Variants in PALM2AKAP2 observed in about 807,000 individuals in gnomAD.
The protein encoded by PALM2AKAP2 is PALM2 and AKAP2 fusion, also known as PALM2-AKAP2 fusion protein.
In PALM2AKAP2, 37 loss-of-function variants were observed where a neutral mutation model predicts 71.5. The ratio of observed to expected loss-of-function variants is 0.52; its 90% confidence interval spans 0.40 to 0.68. The LOEUF is 0.68. Among genes scored for constraint, PALM2AKAP2 ranks in the 30% least tolerant of loss-of-function variants. PALM2AKAP2 has a pLI of 0.00. For missense variants in PALM2AKAP2, 1,224 were observed against 1,191.8 expected (o/e 1.03, Z -0.40); for synonymous variants, 468 against 478.8 (o/e 0.98, Z 0.29).
intron 1 of PALM2AKAP2, among the ~76,000 whole-genome samples, chr9:110,083,961 C>T (rs909023656): frequency 1.3e-5 from 2 of 152,154 alleles, no homozygotes; most frequent in Admixed American, 1.3e-4. Context: ...ATGGGATATC[C>T]AACCTGAGAG....
At chr9:110,165,656 C>G (rs925541761) in intron 3 of PALM2AKAP2, among the ~76,000 whole-genome samples, 2 of 152,168 alleles carry the variant, frequency 1.3e-5, no homozygotes, top group African/African-American at 2.4e-5. Flanking sequence ...ATTACTGGGG[C>G]TCTTGACAAG....
At chr9:109,650,261 T>C (rs1347390190) in intron 1 of PALM2AKAP2, among the ~76,000 whole-genome samples, 4 of 151,850 alleles carry the variant, frequency 2.6e-5, no homozygotes, top group Admixed American at 2.6e-4. Flanking sequence ...AGAGAGAAAT[T>C]TGAAAGCCAG....
chr9:109,952,137 G>A (rs1200175154), intron 6 of PALM2AKAP2, among the ~76,000 whole-genome samples: 3 of 152,210 alleles, frequency 2.0e-5, no homozygotes, highest in Non-Finnish European at 4.4e-5. Flanking sequence ...ACTCAGCTCT[G>A]CTGCAAAGCA....
At chr9:110,014,801 AAAATGTATATAT>A (rs1252033912) in intron 6 of PALM2AKAP2, among the ~76,000 whole-genome samples, 505 of 41,244 alleles carry the variant, frequency 0.012, 38 homozygotes, top group African/African-American at 0.042. Flanking sequence ...AAAAAAAAAA[AAAATGTATATAT>A]ATATATATAT....
chr9:110,145,523 C>T (rs1836142093), intron 2 of PALM2AKAP2, among the ~76,000 whole-genome samples: 2 of 152,100 alleles, frequency 1.3e-5, no homozygotes, highest in South Asian at 4.2e-4. Flanking sequence ...ATTCTGTTAA[C>T]TAAACATGAA....
intron 3 of PALM2AKAP2, among the ~76,000 whole-genome samples, chr9:109,893,093 C>T (rs1336248185): frequency 1.3e-5 from 2 of 152,124 alleles, no homozygotes; most frequent in Non-Finnish European, 2.9e-5. Context: ...GTACACCTCA[C>T]CTTTGCAGTC....
chr9:109,940,567 T>C (rs773681407), intron 6 of PALM2AKAP2, among the ~76,000 whole-genome samples: 2 of 152,126 alleles, frequency 1.3e-5, no homozygotes, highest in Non-Finnish European at 2.9e-5. Context: ...GAAAAGATAG[T>C]TTGGATCTTC....
At chr9:109,689,868 T>A (rs1827856899) in intron 1 of PALM2AKAP2, among the ~76,000 whole-genome samples, 1 of 152,148 alleles carries the variant, frequency 6.6e-6, no homozygotes, top group South Asian at 2.1e-4. Flanking sequence ...GGATTATGCA[T>A]GTTAAATTTA....
chr9:110,006,977 G>A (rs1332898018), intron 6 of PALM2AKAP2, among the ~76,000 whole-genome samples: 2 of 152,056 alleles, frequency 1.3e-5, no homozygotes, highest in African/African-American at 2.4e-5. Flanking sequence ...TCCCTTATTG[G>A]TTTAGGAGTA....
intron 1 of PALM2AKAP2, among the ~76,000 whole-genome samples, chr9:110,133,066 A>G (rs1835770309): frequency 1.3e-5 from 2 of 152,226 alleles, no homozygotes; most frequent in African/African-American, 4.8e-5. Flanking sequence ...TAGATTTTAA[A>G]TATTTGGTAC....
At chr9:109,687,095 G>C (rs1827817338) in intron 1 of PALM2AKAP2, among the ~76,000 whole-genome samples, 1 of 152,090 alleles carries the variant, frequency 6.6e-6, no homozygotes, top group Non-Finnish European at 1.5e-5. Flanking sequence ...CATTTAGGCT[G>C]GTTCCAAGTC....
At chr9:109,657,900 G>A (rs1300530603) in intron 1 of PALM2AKAP2, among the ~76,000 whole-genome samples, 1 of 150,974 alleles carries the variant, frequency 6.6e-6, no homozygotes, top group African/African-American at 2.4e-5. Context: ...CAGACTTGGT[G>A]TAAGTTTTGG....
chr9:110,056,907 GGTGTTATA>G (rs1324506450), intron 1 of PALM2AKAP2, among the ~76,000 whole-genome samples: 4 of 152,158 alleles, frequency 2.6e-5, no homozygotes, highest in African/African-American at 9.7e-5. Flanking sequence ...AAGGATGACA[GGTGTTATA>G]GTGTGAGTGG....
intron 1 of PALM2AKAP2, among the ~76,000 whole-genome samples, chr9:109,675,946 A>T (rs1051725727): frequency 6.6e-6 from 1 of 152,212 alleles, no homozygotes; most frequent in African/African-American, 2.4e-5. Context: ...GTATCCTAAG[A>T]GCTCTTAAAG....
In PALM2AKAP2 at chr9:110,125,451, C is replaced by T. The variant is rs1835579509; in HGVS notation, c.157-10676C>T. The stretch of plus-strand genomic sequence containing the variant: ...TTTGTGTGAATGGCCTTTTAGGGAG[C>T]AGAGGGAGGGCCCACGGTGACATCA... On this transcript the variant is annotated intron_variant, in intron 1 of 3. Transcript: ENST00000374525. 5 of 961,958 alleles carry T rather than the reference C, an allele frequency of 5.2e-6. No individual in the cohort carries two copies. In the South Asian group the frequency reaches 2.4e-4, roughly 46 times the overall value. 59.6% of individuals were successfully genotyped at this position (961,958 alleles called of 1,614,324 possible). A position where few individuals can be genotyped will look rare whatever the true frequency, so the allele number is the denominator to read the frequency against.
chr9:109,982,399 C>T (rs767711035), intron 6 of PALM2AKAP2, among the ~76,000 whole-genome samples: 14 of 151,940 alleles, frequency 9.2e-5, no homozygotes, highest in East Asian at 1.9e-4. Context: ...TTTGATAGCA[C>T]GAAGGGTAAC....
chr9:109,781,111 A>G (rs1295550726), intron 1 of PALM2AKAP2, among the ~76,000 whole-genome samples: 1 of 152,228 alleles, frequency 6.6e-6, no homozygotes, highest in Non-Finnish European at 1.5e-5. Context: ...TGGTTATAAT[A>G]TTCCATGAGA....
At chr9:110,024,860 T>C (rs1833147722) in intron 7 of PALM2AKAP2, 1 of 807,022 alleles carries the variant, frequency 1.2e-6, no homozygotes, top group Non-Finnish European at 2.2e-6. Flanking sequence ...GTCTTTTATT[T>C]ATTTATTTTT....
intron 1 of PALM2AKAP2, among the ~76,000 whole-genome samples, chr9:109,717,357 G>C (rs1828340363): frequency 6.6e-6 from 1 of 152,130 alleles, no homozygotes; most frequent in Non-Finnish European, 1.5e-5. Context: ...TTAGGAGGTG[G>C]GAGGCCCATG....
Sources: gnomAD v4.1 joint callset for allele counts (sites outside exome capture counted in the v4.1 genomes callset) on GRCh38, gnomAD v4.1.1 for gene constraint, MANE v1.5 for transcripts, NCBI Gene and HGNC (gene_info 2026-07-23, HGNC 2026-07-21) for gene names.